The following PLXDC1 variants were observed in gnomAD, a reference collection of about 807,000 sequenced individuals.
PLXDC1 encodes plexin domain containing 1, also known as plexin domain-containing protein 1.
A neutral mutation model predicts 61.3 loss-of-function variants in PLXDC1; 39 were observed. The observed-to-expected ratio is 0.64, with a 90% CI of 0.49 to 0.83. PLXDC1 has a LOEUF of 0.83. Ranked by LOEUF, PLXDC1 falls within the 40% of genes least tolerant of loss-of-function variation. The pLI is 0.00. For synonymous variants in PLXDC1, 212 were observed against 254.5 expected (o/e 0.83, Z 1.59); for missense variants, 596 against 666.5 (o/e 0.89, Z 1.17).
At position 39,135,209 on chromosome 17, in the gene PLXDC1, C is replaced by T. The variant is rs377284263; in HGVS notation, c.255+4445G>A. Among the ~76,000 whole-genome samples, 13 of 152,334 alleles carry T rather than the reference C, an allele frequency of 8.5e-5. 1 individual carries two copies. The highest frequency in any genetic ancestry group is 4.6e-4 in the Admixed American group (7 of 15,304). ...TGGTCCTCCTGTCTTTAGGCAGAGC[C>T]GGGGACAAGCCCTATGGCTGTCAGA... On this transcript the variant is annotated intron_variant, in intron 2 of 13. Transcript: ENST00000315392.
intron 11 of PLXDC1, chr17:39,072,688 GTGAGAGA>G: frequency 3.3e-6 from 2 of 601,790 alleles, no homozygotes; most frequent in Admixed American, 4.9e-5. Context: ...GCGGGGACTG[GTGAGAGA>G]TGAGGCTGGG....
intron 7 of PLXDC1, among the ~76,000 whole-genome samples, chr17:39,103,196 C>T (rs1244695548): frequency 2.7e-5 from 4 of 148,326 alleles, no homozygotes; most frequent in Non-Finnish European, 3.0e-5. Context: ...GCCTGGGCGA[C>T]ACAGCGAGAC....
intron 6 of PLXDC1, among the ~76,000 whole-genome samples, chr17:39,106,853 T>A (rs1323881753): frequency 6.6e-6 from 1 of 151,934 alleles, no homozygotes; most frequent in Non-Finnish European, 1.5e-5. Context: ...GGTTTCATCA[T>A]GTTGGCCAGG....
chr17:39,110,651 C>T (rs1216898238), intron 2 of PLXDC1, among the ~76,000 whole-genome samples: 4 of 152,340 alleles, frequency 2.6e-5, no homozygotes, highest in Admixed American at 6.5e-5. Flanking sequence ...AATCAGGCTG[C>T]CCAGCGGTGG....
intron 11 of PLXDC1, 73 bp downstream of exon 11, chr17:39,077,840 A>C: frequency 1.3e-6 from 2 of 1,481,660 alleles, no homozygotes; most frequent in Non-Finnish European, 1.9e-6. Context: ...AGGGACAGAG[A>C]GGGGGCCCCA....
At chr17:39,090,449 A>T (rs944657341) in intron 7 of PLXDC1, among the ~76,000 whole-genome samples, 1 of 152,172 alleles carries the variant, frequency 6.6e-6, no homozygotes, top group Non-Finnish European at 1.5e-5. Context: ...GGGAAAGCAG[A>T]TGGGGGCACT....
At chr17:39,094,882 G>A (rs1372115316) in intron 7 of PLXDC1, among the ~76,000 whole-genome samples, 1 of 152,180 alleles carries the variant, frequency 6.6e-6, no homozygotes, top group Non-Finnish European at 1.5e-5. Context: ...ATCTCAAAGC[G>A]GGAGGAGAGC....
intron 2 of PLXDC1, among the ~76,000 whole-genome samples, chr17:39,119,310 G>A (rs1469280507): frequency 6.6e-6 from 1 of 152,200 alleles, no homozygotes; most frequent in African/African-American, 2.4e-5. Flanking sequence ...GACAGCAAGA[G>A]TGTGAATGAG....
At chr17:39,103,585 C>T (rs1056816048) in intron 7 of PLXDC1, among the ~76,000 whole-genome samples, 2 of 151,966 alleles carry the variant, frequency 1.3e-5, no homozygotes, top group Non-Finnish European at 2.9e-5. Context: ...GTGGCTGACT[C>T]CTGTAATCCC....
At chr17:39,132,994 A>C (rs1911615081) in intron 2 of PLXDC1, among the ~76,000 whole-genome samples, 2 of 152,116 alleles carry the variant, frequency 1.3e-5, no homozygotes, top group African/African-American at 4.8e-5. Flanking sequence ...AGACCAAATC[A>C]AACTTGCTGA....
intron 2 of PLXDC1, among the ~76,000 whole-genome samples, chr17:39,136,042 G>A (rs1911743296): frequency 6.6e-6 from 1 of 152,204 alleles, no homozygotes; most frequent in African/African-American, 2.4e-5. Context: ...GTCCTGAGCA[G>A]GTTATCAGTT....
intron 2 of PLXDC1, among the ~76,000 whole-genome samples, chr17:39,136,404 A>G (rs1911754062): frequency 6.6e-6 from 1 of 152,208 alleles, no homozygotes; most frequent in South Asian, 2.1e-4. Context: ...GATGAACAGA[A>G]TATCAAAAGT....
At chr17:39,110,600 C>T (rs759522924) in intron 2 of PLXDC1, among the ~76,000 whole-genome samples, 60 of 152,236 alleles carry the variant, frequency 3.9e-4, no homozygotes, top group Admixed American at 9.2e-4. Flanking sequence ...GCCACCGCCA[C>T]AGAGGTGGGG....
At chr17:39,139,234 C>T (rs1911852709) in intron 2 of PLXDC1, among the ~76,000 whole-genome samples, 1 of 152,198 alleles carries the variant, frequency 6.6e-6, no homozygotes, top group South Asian at 2.1e-4. Context: ...TTAGGCTAAG[C>T]AGCCATTAAT....
intron 7 of PLXDC1, among the ~76,000 whole-genome samples, chr17:39,103,383 A>C (rs1037912411): frequency 2.0e-5 from 3 of 152,022 alleles, no homozygotes; most frequent in Non-Finnish European, 4.4e-5. Flanking sequence ...CTCCAAAAAA[A>C]AATTTAAAAA....
chr17:39,078,333 A>G (rs901431882), intron 10 of PLXDC1, among the ~76,000 whole-genome samples: 6 of 152,194 alleles, frequency 3.9e-5, no homozygotes, highest in South Asian at 4.1e-4. Context: ...TGATATTTAA[A>G]TGCTGGGCCC....
At chr17:39,082,563 C>CA (rs11414417) in intron 9 of PLXDC1, among the ~76,000 whole-genome samples, 73,658 of 143,638 alleles carry the variant, frequency 0.51, 19,423 homozygotes, top group African/African-American at 0.64. Flanking sequence ...AAAACTCTCT[C>CA]AAAAAAAAAA....
chr17:39,068,132 T>C (rs2143196547), intron 13 of PLXDC1, among the ~76,000 whole-genome samples, 173 bp from the exon 14 acceptor site: 1 of 152,184 alleles, frequency 6.6e-6, no homozygotes, highest in East Asian at 1.9e-4. Context: ...AAATGTTCCG[T>C]GCTGTGATCC....
intron 12 of PLXDC1, among the ~76,000 whole-genome samples, chr17:39,070,959 T>C (rs372250543): frequency 7.9e-5 from 12 of 152,062 alleles, no homozygotes; most frequent in African/African-American, 2.9e-4. Flanking sequence ...GCATGGGCGA[T>C]AGAGTGAGAC....
Sources: allele counts gnomAD v4.1 joint callset (sites outside exome capture counted in the v4.1 genomes callset), GRCh38; gene constraint gnomAD v4.1.1; transcripts MANE v1.5; gene names NCBI Gene and HGNC (gene_info 2026-07-23, HGNC 2026-07-21).